Variants in LIMCH1 observed in about 807,000 individuals in gnomAD.
LIMCH1 encodes LIM and calponin homology domains-containing protein 1.
A neutral mutation model predicts 176.5 loss-of-function variants in LIMCH1; 113 were observed. That is an observed-to-expected ratio of 0.64 (90% confidence interval 0.55 to 0.75). The LOEUF (loss-of-function observed/expected upper bound fraction) is 0.75. Ranked by LOEUF, LIMCH1 falls within the 30% of genes least tolerant of loss-of-function variation. The pLI, the probability that LIMCH1 is intolerant of heterozygous loss-of-function variation, is 0.00. For synonymous variants in LIMCH1, 619 were observed against 645.9 expected, an observed-to-expected ratio of 0.96 and a Z score of 0.63; for missense variants, 1,674 against 1,814.9, an observed-to-expected ratio of 0.92 and a Z score of 1.41.
At chr4:41,361,048 T>C in intron 1 of LIMCH1, 1 of 633,936 alleles carries the variant, frequency 1.6e-6, no homozygotes, top group Non-Finnish European at 2.6e-6. Flanking sequence ...CCCACTTTCT[T>C]TTGCCAGCTG....
At chr4:41,576,917 T>C (rs1237333447) in intron 1 of LIMCH1, among the ~76,000 whole-genome samples, 1 of 152,188 alleles carries the variant, frequency 6.6e-6, no homozygotes. Flanking sequence ...CTGTTGATAA[T>C]ACACTGATAT....
At chr4:41,689,863 T>C (rs1356552106) in intron 30 of LIMCH1, 1 of 390,066 alleles carries the variant, frequency 2.6e-6, no homozygotes, top group Non-Finnish European at 4.8e-6. Context: ...TACAAAACAG[T>C]TTTTGTTGCT....
intron 1 of LIMCH1, among the ~76,000 whole-genome samples, chr4:41,460,087 G>C (rs1188712227): frequency 6.6e-6 from 1 of 152,090 alleles, no homozygotes; most frequent in Non-Finnish European, 1.5e-5. Flanking sequence ...GAGGGGGTGT[G>C]GGCAGTAGGA....
intron 1 of LIMCH1, among the ~76,000 whole-genome samples, chr4:41,477,544 A>C (rs1023471497): frequency 4.6e-5 from 7 of 152,240 alleles, no homozygotes; most frequent in African/African-American, 1.7e-4. Context: ...AAGCTAGAGT[A>C]GAAGAGGGTT....
At chr4:41,572,427 G>T (rs1308702228) in intron 1 of LIMCH1, among the ~76,000 whole-genome samples, 1 of 151,734 alleles carries the variant, frequency 6.6e-6, no homozygotes, top group Non-Finnish European at 1.5e-5. Flanking sequence ...TTTTACTTAA[G>T]GAAAGAAAAT....
At position 41,699,023 on chromosome 4, in the gene LIMCH1, G is replaced by A. The variant is rs899620625; in HGVS notation, c.*1838G>A. 3 of 152,078 alleles carry A rather than the reference G, an allele frequency of 2.0e-5. No individual in the cohort carries two copies. Among genetic ancestry groups the A allele is most frequent in the African/African-American group, 7.2e-5 (3 of 41,388 alleles). The allele number at this position is 152,078 out of a possible 1,614,324, so 9.4% of individuals were successfully genotyped here. ...AAAGAAAAAATTAAAAAGAAAAATT[G>A]TTTTGAAAATGTACAGATCAAGTCC... On this transcript the variant is annotated 3_prime_UTR_variant, in exon 32 of 32. Transcript: ENST00000503057.
At chr4:41,654,736 A>T (rs564900775) in intron 18 of LIMCH1, among the ~76,000 whole-genome samples, 10 of 152,176 alleles carry the variant, frequency 6.6e-5, no homozygotes, top group Non-Finnish European at 1.0e-4. Flanking sequence ...AAAGGCATGG[A>T]CAATGGTGAG....
intron 13 of LIMCH1, among the ~76,000 whole-genome samples, chr4:41,634,610 C>A (rs2093485811): frequency 6.6e-6 from 1 of 152,176 alleles, no homozygotes; most frequent in South Asian, 2.1e-4. Flanking sequence ...ATTTTACATT[C>A]TTCTGAATAA....
At chr4:41,417,767 G>A (rs1448107727) in intron 1 of LIMCH1, among the ~76,000 whole-genome samples, 1 of 151,962 alleles carries the variant, frequency 6.6e-6, no homozygotes, top group Non-Finnish European at 1.5e-5. Context: ...CAATAGAGCC[G>A]CCCACCTCAG....
chr4:41,602,124 CAAAAAAAAAAAAAAA>C (rs540240960), intron 2 of LIMCH1, among the ~76,000 whole-genome samples: 1 of 73,304 alleles, frequency 1.4e-5, no homozygotes, highest in Non-Finnish European at 3.8e-5. Flanking sequence ...TTGAGTAGAC[CAAAAAAAAAAAAAAA>C]AAAAAAAAAA....
intron 14 of LIMCH1, among the ~76,000 whole-genome samples, chr4:41,643,730 G>T (rs1441533218): frequency 6.6e-6 from 1 of 152,130 alleles, no homozygotes. Flanking sequence ...ATGACTGTGT[G>T]CATATTAGAA....
chr4:41,675,867 A>G (rs2095200300), intron 22 of LIMCH1, among the ~76,000 whole-genome samples: 1 of 152,218 alleles, frequency 6.6e-6, no homozygotes, highest in Admixed American at 6.5e-5. Context: ...CCTGGATCTT[A>G]GGTGGTACTG....
intron 22 of LIMCH1, among the ~76,000 whole-genome samples, chr4:41,672,217 A>C (rs567392394): frequency 1.3e-5 from 2 of 152,176 alleles, no homozygotes; most frequent in South Asian, 4.2e-4. Context: ...TGAAAACACA[A>C]AAATTAGCTG....
chr4:41,631,065 G>GTTT (rs113754792), intron 9 of LIMCH1, 83 bp from the exon 10 acceptor site: 48 of 1,006,786 alleles, frequency 4.8e-5, no homozygotes, highest in South Asian at 2.1e-4. Flanking sequence ...ACTACTTCTA[G>GTTT]TTTTTTTTTT....
intron 2 of LIMCH1, among the ~76,000 whole-genome samples, chr4:41,601,909 A>T (rs1330638001): frequency 1.3e-5 from 2 of 152,152 alleles, no homozygotes; most frequent in African/African-American, 2.4e-5. Flanking sequence ...TGAGCAGGAC[A>T]TCTGTAGACA....
chr4:41,629,095 A>C (rs60333925), intron 8 of LIMCH1, among the ~76,000 whole-genome samples: 7,965 of 152,280 alleles, frequency 0.052, 691 homozygotes, highest in African/African-American at 0.18. Context: ...CTAATGCAGT[A>C]AAAAACATTC....
rs566511133 is a variant in LIMCH1, at chr4:41,504,055, G to A, written c.167+9449G>A. 2.3e-3 allele frequency among the ~76,000 whole-genome samples: 356 copies of A among 152,240 alleles called. 1 individual carries two copies. Among genetic ancestry groups the A allele is most frequent in the South Asian group, 0.018 (86 of 4,818 alleles). ...CTGTACTTTCTCCTTTTAATTTATA[G>A]TACCCCCTACTGAATAACTTGGCAC... On this transcript the variant is annotated intron_variant, in intron 2 of 26. Coordinates refer to the LIMCH1 transcript ENST00000313860.
chr4:41,537,575 G>C (rs1163957530), upstream of LIMCH1, among the ~76,000 whole-genome samples: 1 of 152,122 alleles, frequency 6.6e-6, no homozygotes, highest in Non-Finnish European at 1.5e-5. Context: ...AACACTGAAG[G>C]AATATGATGA....
intron 21 of LIMCH1, among the ~76,000 whole-genome samples, chr4:41,668,695 GTA>G (rs2094914628): frequency 6.6e-6 from 1 of 152,182 alleles, no homozygotes; most frequent in African/African-American, 2.4e-5. Context: ...TTGTATACTT[GTA>G]TTAGTTTGTT....
Sources: gnomAD v4.1 joint callset for allele counts (sites outside exome capture counted in the v4.1 genomes callset) on GRCh38, gnomAD v4.1.1 for gene constraint, MANE v1.5 for transcripts, NCBI Gene and HGNC (gene_info 2026-07-23, HGNC 2026-07-21) for gene names.